RAB15: variants seen among roughly 807,000 people sequenced by gnomAD.
RAB15 encodes RAB15, member RAS oncogene family, also known as ras-related protein Rab-15.
Under a neutral mutation model 31.8 loss-of-function variants are expected in RAB15, and 13 were observed. The ratio of observed to expected loss-of-function variants is 0.41; its 90% CI spans 0.27 to 0.65. The LOEUF (loss-of-function observed/expected upper bound fraction) is 0.65, where lower values mean the gene tolerates loss of function less well. RAB15 is among the 30% of genes least tolerant of loss of function. The pLI, the probability that RAB15 is intolerant of heterozygous loss-of-function variation, is 0.32. For synonymous variants in RAB15, 100 were observed against 105.6 expected (o/e 0.95, Z 0.33); for missense variants, 220 against 277.3 (o/e 0.79, Z 1.47).
chr14:64,971,475 G>A lies in RAB15; in HGVS notation c.124+478C>T, dbSNP rs368762949. On this transcript the variant is annotated intron_variant, in intron 1 of 6. Transcript: ENST00000533601. The surrounding 1 kb of genome is among the most constrained non-coding windows in gnomAD (Gnocchi z 4.1). The stretch of plus-strand genomic sequence containing the variant: ...GAAACTCGATCCCTGTGGCCCCTCC[G>A]TACGTCCTCTCTTCCCCCCCTCGCC... Among the ~76,000 whole-genome samples the A allele has an allele frequency of 6.6e-6, 1 of 151,944 alleles. No individual in the cohort carries two copies. Among genetic ancestry groups the A allele is most frequent in the Non-Finnish European group, 1.5e-5 (1 of 67,964 alleles).
rs1386341560 is a variant in RAB15 at position 64,951,679 on chromosome 14, A to G, written c.186-16T>C. ...TGCAGTGTCCCTGCAGGAGAAAGCCAGTCCCTCAGAGGAGCAGGGACCATG... is the reference window on the plus strand; with the variant it reads ...TGCAGTGTCCCTGCAGGAGAAAGCCGGTCCCTCAGAGGAGCAGGGACCATG... On this transcript the variant is annotated splice_polypyrimidine_tract_variant and intron_variant, in intron 2 of 6. Coordinates refer to ENST00000533601, the MANE Select transcript of RAB15 (RefSeq NM_001308154.2). The surrounding 1 kb of genome is among the most constrained non-coding windows in gnomAD (Gnocchi z 7.2). 3 of 1,611,326 alleles carry G rather than the reference A, an allele frequency of 1.9e-6. No homozygotes were observed. The highest frequency in any genetic ancestry group is 2.5e-6 in the Non-Finnish European group (3 of 1,177,510).
At chr14:64,961,265 C>T (rs1363055609) in intron 1 of RAB15, among the ~76,000 whole-genome samples, 1 of 152,212 alleles carries the variant, frequency 6.6e-6, no homozygotes, top group African/African-American at 2.4e-5. Context: ...TGTGCACCTC[C>T]TGTGGGTTGT....
Position 64,951,797 on chromosome 14 carries a change from C to A in RAB15, c.186-134G>T. 2 of 740,470 alleles carry A rather than the reference C, an allele frequency of 2.7e-6. No homozygotes were observed. The highest frequency in any genetic ancestry group is 4.7e-6 in the Non-Finnish European group (2 of 421,386). 45.9% of individuals were successfully genotyped at this position (740,470 alleles called of 1,614,324 possible). On this transcript the variant is annotated intron_variant, in intron 2 of 6. Coordinates refer to ENST00000533601, the MANE Select transcript of RAB15 (RefSeq NM_001308154.2). This position sits in a 1 kb window ranked among gnomAD's most constrained non-coding sequence, Gnocchi z 7.2. ...AAAACCAGGGATGCTTGGATCCCCACAGGGATCTGCAGTCAGAGGCCTGGT... is the reference window on the plus strand; with the variant it reads ...AAAACCAGGGATGCTTGGATCCCCAAAGGGATCTGCAGTCAGAGGCCTGGT...
chr14:64,957,837 C>T (rs1458635396), intron 1 of RAB15: 1 of 152,020 alleles, frequency 6.6e-6, no homozygotes, highest in Non-Finnish European at 1.5e-5. Flanking sequence ...TCCCACATGC[C>T]CTGGCATACC....
In RAB15 at chr14:64,951,073, C is replaced by G. The variant is rs750591437; in HGVS notation, c.324+1G>C. On this transcript the variant is annotated splice_donor_variant, in intron 4 of 6. Transcript: ENST00000533601. LOFTEE classifies it high-confidence loss of function. The surrounding 1 kb of genome is among the most constrained non-coding windows in gnomAD (Gnocchi z 7.2). ...CCCGGCAGTGAGGTGGCATCTCCTA[C>G]CTCATCCACGTCACTGACCCACTTC... 2 of 1,613,054 alleles carry G rather than the reference C, an allele frequency of 1.2e-6. No individual in the cohort carries two copies. Among genetic ancestry groups the G allele is most frequent in the African/African-American group, 2.7e-5 (2 of 74,928 alleles).
In RAB15 at chr14:64,960,037, A is replaced by G. The variant is rs533960496; in HGVS notation, c.125-7466T>C. Reference sequence around the variant, plus strand: ...GTGCCATGCAGCCATGGCCTGAGGCAGCAGCCCTGGGCCCCATCCTCTTCC... The same window carrying G: ...GTGCCATGCAGCCATGGCCTGAGGCGGCAGCCCTGGGCCCCATCCTCTTCC... On this transcript the variant is annotated intron_variant, in intron 1 of 6. Transcript: ENST00000533601. 3.9e-5 allele frequency among the ~76,000 whole-genome samples: 6 copies of G among 152,276 alleles called. No individual in the cohort carries two copies. The South Asian group carries it at 1.2e-3, about 32-fold the overall frequency.
Position 64,951,780 on chromosome 14 carries a change from G to A in RAB15, c.186-117C>T. On this transcript the variant is annotated intron_variant, in intron 2 of 6. Coordinates refer to ENST00000533601, the MANE Select transcript of RAB15 (RefSeq NM_001308154.2). The surrounding 1 kb of genome is among the most constrained non-coding windows in gnomAD (Gnocchi z 7.2). Reference sequence around the variant, plus strand: ...GGGGAGCTAAAGGGTGAAAAACCAGGGATGCTTGGATCCCCACAGGGATCT... The same window carrying A: ...GGGGAGCTAAAGGGTGAAAAACCAGAGATGCTTGGATCCCCACAGGGATCT... The A allele has an allele frequency of 2.4e-6, 2 of 839,702 alleles. No individual in the cohort carries two copies. Among genetic ancestry groups the A allele is most frequent in the Non-Finnish European group, 4.0e-6 (2 of 495,036 alleles). 52.0% of individuals were successfully genotyped at this position (839,702 alleles called of 1,614,324 possible).
At chr14:64,965,508 C>T (rs1028351126) in intron 1 of RAB15, among the ~76,000 whole-genome samples, 1 of 152,112 alleles carries the variant, frequency 6.6e-6, no homozygotes, top group African/African-American at 2.4e-5. Flanking sequence ...CCCCTTCCTC[C>T]TCAGTGGGAG....
Position 64,951,059 on chromosome 14 carries a change from G to A in RAB15, c.324+15C>T, listed in dbSNP as rs1057288498. The A allele has an allele frequency of 1.9e-6, 3 of 1,613,096 alleles. No individual in the cohort carries two copies. The highest frequency in any genetic ancestry group is 1.7e-5 in the Admixed American group (1 of 60,000). Reference sequence around the variant, plus strand: ...CACCCTCTCCACACCCCGGCAGTGAGGTGGCATCTCCTACCTCATCCACGT... The same window carrying A: ...CACCCTCTCCACACCCCGGCAGTGAAGTGGCATCTCCTACCTCATCCACGT... On this transcript the variant is annotated intron_variant, in intron 4 of 6. Coordinates refer to ENST00000533601, the MANE Select transcript of RAB15 (RefSeq NM_001308154.2). The surrounding 1 kb of genome is among the most constrained non-coding windows in gnomAD (Gnocchi z 7.2).
At position 64,962,054 on chromosome 14, in the gene RAB15, A is replaced by T. The variant is rs532742102; in HGVS notation, c.125-9483T>A. Among the ~76,000 whole-genome samples, 21 of 152,246 alleles carry T rather than the reference A, an allele frequency of 1.4e-4. No individual in the cohort carries two copies. Among genetic ancestry groups the T allele is most frequent in the African/African-American group, 5.1e-4 (21 of 41,534 alleles). On this transcript the variant is annotated intron_variant, in intron 1 of 6. Transcript: ENST00000533601. The surrounding 1 kb of genome is among the most constrained non-coding windows in gnomAD (Gnocchi z 4.2). Reference sequence around the variant, plus strand: ...ACATGGTGAAACCTTGTCTCTACTAAAAATACAAAAATTAGCTGGTCGTGG... The same window carrying T: ...ACATGGTGAAACCTTGTCTCTACTATAAATACAAAAATTAGCTGGTCGTGG...
In RAB15 at chr14:64,951,396, C is replaced by T. The variant is rs1347020012; in HGVS notation, c.246+207G>A. Among the ~76,000 whole-genome samples, 1 of 152,164 alleles carries T rather than the reference C, an allele frequency of 6.6e-6. No individual in the cohort carries two copies. Among genetic ancestry groups the T allele is most frequent in the Non-Finnish European group, 1.5e-5 (1 of 68,026 alleles). On this transcript the variant is annotated intron_variant, in intron 3 of 6. Coordinates refer to ENST00000533601, the MANE Select transcript of RAB15 (RefSeq NM_001308154.2). The surrounding 1 kb of genome is among the most constrained non-coding windows in gnomAD (Gnocchi z 7.2). ...TTGACCCAGGATGGAGGGTGGAAGT[C>T]AGGGGTGAGGGCAGGGGCCTGCCTG... is the stretch of plus-strand genomic sequence containing the variant.
intron 1 of RAB15, among the ~76,000 whole-genome samples, chr14:64,965,724 A>G (rs768343299): frequency 6.6e-6 from 1 of 152,200 alleles, no homozygotes; most frequent in Non-Finnish European, 1.5e-5. Context: ...CTTTCATGTT[A>G]TAAAGCTCAT....
In RAB15 at chr14:64,951,572, C is replaced by T; in HGVS notation, c.246+31G>A. 6.2e-7 allele frequency: 1 copy of T among 1,606,106 alleles called. No individual in the cohort carries two copies. Among genetic ancestry groups the T allele is most frequent in the Non-Finnish European group, 8.5e-7 (1 of 1,172,666 alleles). ...AGCTGGGAGTGTGGGTGGCAGCTTCCCACTTTGAAACCCCCAATGTGGTGG... is the reference window on the plus strand; with the variant it reads ...AGCTGGGAGTGTGGGTGGCAGCTTCTCACTTTGAAACCCCCAATGTGGTGG... On this transcript the variant is annotated intron_variant, in intron 3 of 6. Coordinates refer to ENST00000533601, the MANE Select transcript of RAB15 (RefSeq NM_001308154.2). This position sits in a 1 kb window ranked among gnomAD's most constrained non-coding sequence, Gnocchi z 7.2.
At chr14:64,959,848 CAAAAAAA>C (rs34981340) in intron 1 of RAB15, among the ~76,000 whole-genome samples, 80 of 42,058 alleles carry the variant, frequency 1.9e-3, no homozygotes, top group South Asian at 6.3e-3. Context: ...GACCCTGTCT[CAAAAAAA>C]AAAAAAAAAA....
rs1321217862 is a variant in RAB15, at chr14:64,947,500, C to CT, written c.*853dup. ...CATGGGAGGTAGAGAATGGAGGTGA[C>CT]TTTTTATCCCTGCCACCCCTCATTT... is the stretch of plus-strand genomic sequence containing the variant. On this transcript the variant is annotated 3_prime_UTR_variant, in exon 7 of 7. Coordinates refer to ENST00000533601, the MANE Select transcript of RAB15 (RefSeq NM_001308154.2). The surrounding 1 kb of genome is among the most constrained non-coding windows in gnomAD (Gnocchi z 5.6). The CT allele has an allele frequency of 1.3e-5, 2 of 152,628 alleles. No individual in the cohort carries two copies. The highest frequency in any genetic ancestry group is 3.9e-4 in the East Asian group (2 of 5,190). 9.5% of individuals were successfully genotyped at this position (152,628 alleles called of 1,614,324 possible). A position where few individuals can be genotyped will look rare whatever the true frequency, so the allele number is the denominator to read the frequency against.
chr14:64,948,611 C>T lies in RAB15; in HGVS notation c.480+57G>A. On this transcript the variant is annotated intron_variant, in intron 6 of 6. Coordinates refer to ENST00000533601, the MANE Select transcript of RAB15 (RefSeq NM_001308154.2). The surrounding 1 kb of genome is among the most constrained non-coding windows in gnomAD (Gnocchi z 7.0). The stretch of plus-strand genomic sequence containing the variant: ...TAAGGTCCATCTTATGGCTCCTCCT[C>T]CCACCTCTGCTGGACTCAGCCCGAG... 2 of 1,611,432 alleles carry T rather than the reference C, an allele frequency of 1.2e-6. No homozygotes were observed. The highest frequency in any genetic ancestry group is 1.7e-6 in the Non-Finnish European group (2 of 1,177,982).
rs1444196893 is a variant in RAB15, at chr14:64,955,427, G to T, written c.125-2856C>A. On this transcript the variant is annotated intron_variant, in intron 1 of 6. Transcript: ENST00000533601. This position sits in a 1 kb window ranked among gnomAD's most constrained non-coding sequence, Gnocchi z 4.4. ...CCTTCCCTCTCCCTGCGTGGCTGTT[G>T]GTTTTTTCCACTGCTGAGCACTGCA... 6.6e-6 allele frequency among the ~76,000 whole-genome samples: 1 copy of T among 152,140 alleles called. No homozygotes were observed. Among genetic ancestry groups the T allele is most frequent in the African/African-American group, 2.4e-5 (1 of 41,440 alleles).
chr14:64,950,473 C>G lies in RAB15; in HGVS notation c.325-59G>C. Reference sequence around the variant, plus strand: ...GTGCTGCCTGCCCCCCCAATTTTCCCTACAGAGTCTGCACTGCCTCCAGCC... The same window carrying G: ...GTGCTGCCTGCCCCCCCAATTTTCCGTACAGAGTCTGCACTGCCTCCAGCC... On this transcript the variant is annotated intron_variant, in intron 4 of 6. Coordinates refer to ENST00000533601, the MANE Select transcript of RAB15 (RefSeq NM_001308154.2). The surrounding 1 kb of genome is among the most constrained non-coding windows in gnomAD (Gnocchi z 5.6). 7.1e-7 allele frequency: 1 copy of G among 1,401,470 alleles called. No homozygotes were observed. Among genetic ancestry groups the G allele is most frequent in the East Asian group, 2.3e-5 (1 of 43,780 alleles). The allele number at this position is 1,401,470 out of a possible 1,614,324, so 86.8% of individuals were successfully genotyped here. A position where few individuals can be genotyped will look rare whatever the true frequency, so the allele number is the denominator to read the frequency against.
rs1329710817 is a variant in RAB15 at position 64,951,193 on chromosome 14, G to A, written c.247-42C>T. 6.5e-7 allele frequency: 1 copy of A among 1,528,412 alleles called. No homozygotes were observed. Among genetic ancestry groups the A allele is most frequent in the Non-Finnish European group, 9.0e-7 (1 of 1,107,972 alleles). The allele number at this position is 1,528,412 out of a possible 1,614,324, so 94.7% of individuals were successfully genotyped here. ...TAGAGAGATGTGATATGCACAGAGA[G>A]AGTGCAGTCATGGGGCCAGAAGGGG... is the stretch of plus-strand genomic sequence containing the variant. On this transcript the variant is annotated intron_variant, in intron 3 of 6. Transcript: ENST00000533601. This position sits in a 1 kb window ranked among gnomAD's most constrained non-coding sequence, Gnocchi z 7.2.
Sources: gnomAD v4.1 joint callset for allele counts (sites outside exome capture counted in the v4.1 genomes callset) on GRCh38, gnomAD v4.1.1 for gene constraint, Gnocchi (gnomAD v3.1) non-coding constraint, MANE v1.5 for transcripts, NCBI Gene and HGNC (gene_info 2026-07-23, HGNC 2026-07-21) for gene names.